DIABLO: variants seen among roughly 807,000 people sequenced by gnomAD.
DIABLO encodes the protein diablo homolog, mitochondrial.
DIABLO carries 32 observed loss-of-function variants against 31.7 expected under a neutral mutation model. The ratio of observed to expected loss-of-function variants is 1.01; its 90% confidence interval spans 0.76 to 1.35. The LOEUF is 1.35. Ranked by LOEUF, DIABLO falls within the 40% of genes most tolerant of loss-of-function variation. The pLI is 0.00. For synonymous variants in DIABLO, 132 were observed against 103.2 expected, an observed-to-expected ratio of 1.28 and a Z score of -1.69; for missense variants, 316 against 286.4, an observed-to-expected ratio of 1.10 and a Z score of -0.75.
Position 122,225,999 on chromosome 12 carries a change from T to C in DIABLO, c.16A>G (p.Ser6Gly), listed in dbSNP as rs772136062. Residue 6 changes from serine to glycine, a missense_variant, in exon 1 of 6, where the codon AGT (serine) becomes GGT (glycine). Physicochemically the swap from Ser to Gly is moderately conservative, Grantham distance 56. Coordinates refer to ENST00000464942, the MANE Select transcript of DIABLO (RefSeq NM_001371333.1). ...GAAGTTACGCTGCGCGACAGCCAAC[T>C]CTTCAGAGCCGCCATTGTGCAGCGC... is the stretch of plus-strand genomic sequence containing the variant. MAALK[S>G]WLSRSVTSFF... 2 of 1,603,464 alleles carry C rather than the reference T, an allele frequency of 1.2e-6. No homozygotes were observed. Among genetic ancestry groups the C allele is most frequent in the African/African-American group, 1.3e-5 (1 of 74,698 alleles).
chr12:122,224,768 A>G, intron 1 of DIABLO, 124 bp from the exon 2 acceptor site: 1 of 1,595,626 alleles, frequency 6.3e-7, no homozygotes, highest in South Asian at 1.1e-5. Context: ...GATGCAGGAC[A>G]GCTGAGGGGT....
At chr12:122,220,273 G>T (rs1954305760) in intron 2 of DIABLO, among the ~76,000 whole-genome samples, 1 of 151,884 alleles carries the variant, frequency 6.6e-6, no homozygotes, top group African/African-American at 2.4e-5. Flanking sequence ...AAAAAGGAAA[G>T]ACTAATATAA....
rs1037555932 is a variant in DIABLO at position 122,225,138 on chromosome 12, G to C, written c.51-494C>G. The stretch of plus-strand genomic sequence containing the variant: ...TGAGGCAGGAGAATCGCTTGAACCT[G>C]GGAGGCAGAGGTTGCAGTGAGCCGA... On this transcript the variant is annotated intron_variant, in intron 1 of 5. Coordinates refer to ENST00000464942, the MANE Select transcript of DIABLO (RefSeq NM_001371333.1). 3 of 303,716 alleles carry C rather than the reference G, an allele frequency of 9.9e-6. No homozygotes were observed. In the Admixed American group the frequency reaches 1.4e-4, roughly 14 times the overall value. The allele number at this position is 303,716 out of a possible 1,614,324, so 18.8% of individuals were successfully genotyped here.
chr12:122,208,620 C>T (rs1244584341), intron 5 of DIABLO, 43 bp from the exon 6 acceptor site: 18 of 1,594,798 alleles, frequency 1.1e-5, no homozygotes, highest in African/African-American at 4.0e-5. Flanking sequence ...CCGTGCAGGG[C>T]GCGGAAGGCT....
intron 1 of DIABLO, chr12:122,225,572 G>A: frequency 1.7e-6 from 2 of 1,172,332 alleles, no homozygotes; most frequent in Non-Finnish European, 2.1e-6. Context: ...CAGCTCCCCC[G>A]GCCCCTTCTG....
intron 5 of DIABLO, among the ~76,000 whole-genome samples, chr12:122,210,685 T>C (rs1422168202): frequency 1.3e-5 from 2 of 152,028 alleles, no homozygotes; most frequent in African/African-American, 4.8e-5. Context: ...AGGTGATATA[T>C]CAACTTTTTA....
chr12:122,224,497 T>C lies in DIABLO; in HGVS notation c.183+15A>G, dbSNP rs1481630816. ...ACACGGTACACTAGATAAGAATCAC[T>C]GCACACGACAGTACCTGTGCAATAG... On this transcript the variant is annotated intron_variant, in intron 2 of 5. Transcript: ENST00000464942. The C allele has an allele frequency of 3.7e-6, 6 of 1,613,666 alleles. No individual in the cohort carries two copies. The highest frequency in any genetic ancestry group is 5.1e-6 in the Non-Finnish European group (6 of 1,179,906).
In DIABLO at chr12:122,216,840, T is replaced by G; in HGVS notation, c.345A>C (p.Arg115=). Residue 115 remains arginine, a synonymous_variant, in exon 4 of 6, where the codon CGA becomes CGC. Transcript: ENST00000464942. Reference sequence around the variant, plus strand: ...TTTTCCCAAGTAAACTTGTATATTGTCGGTAAAGAGAAGTTAAGGTATAAA... The same window carrying G: ...TTTTCCCAAGTAAACTTGTATATTGGCGGTAAAGAGAAGTTAAGGTATAAA... The part of the protein sequence containing the change: ...KAVYTLTSLY[R]QYTSLLGKMN... 1 of 1,614,108 alleles carries G rather than the reference T, an allele frequency of 6.2e-7. No homozygotes were observed. The highest frequency in any genetic ancestry group is 8.5e-7 in the Non-Finnish European group (1 of 1,180,010).
intron 5 of DIABLO, 21 bp from the exon 6 acceptor site, chr12:122,208,598 C>T (rs1052603444): frequency 6.8e-6 from 11 of 1,609,118 alleles, no homozygotes; most frequent in African/African-American, 6.7e-5. Context: ...ATGGGACAAT[C>T]GGGTTGAGCA....
chr12:122,225,700 A>G (rs1025161371), intron 1 of DIABLO: 2 of 1,406,810 alleles, frequency 1.4e-6, no homozygotes, highest in Non-Finnish European at 1.8e-6. Flanking sequence ...GCTGGTCAGG[A>G]GGCGGAGCAG....
At chr12:122,210,371 CTTTTT>C (rs11312074) in intron 5 of DIABLO, among the ~76,000 whole-genome samples, 27 of 73,828 alleles carry the variant, frequency 3.7e-4, no homozygotes, top group Non-Finnish European at 6.3e-4. Flanking sequence ...CCATTTCTAC[CTTTTT>C]TTTTTTTTTT....
At chr12:122,214,288 C>T (rs1323971939) in intron 5 of DIABLO, among the ~76,000 whole-genome samples, 2 of 152,120 alleles carry the variant, frequency 1.3e-5, no homozygotes, top group African/African-American at 4.8e-5. Context: ...TCAAGTGATC[C>T]TCCTATCTTA....
At chr12:122,209,761 T>G (rs542706297) in intron 5 of DIABLO, 1 of 703,324 alleles carries the variant, frequency 1.4e-6, no homozygotes, top group South Asian at 1.5e-5. Flanking sequence ...CTGTAGAACA[T>G]TTTGATCTTA....
intron 5 of DIABLO, among the ~76,000 whole-genome samples, chr12:122,210,659 G>T (rs969745645): frequency 6.6e-6 from 1 of 151,998 alleles, no homozygotes; most frequent in Admixed American, 6.6e-5. Context: ...GATTACAGGC[G>T]TGAGCCACCG....
intron 5 of DIABLO, among the ~76,000 whole-genome samples, chr12:122,214,625 T>C (rs530679389): frequency 1.2e-4 from 18 of 152,164 alleles, no homozygotes; most frequent in Non-Finnish European, 2.2e-4. Context: ...GGGGTTTCAC[T>C]GTGTTGCCCT....
chr12:122,208,799 C>G lies in DIABLO; in HGVS notation c.524-222G>C, dbSNP rs374121145. ...AACAGCATTTTTCTTCAGCTGTCAG[C>G]GGCCAACATCACAATTATTAAATGC... On this transcript the variant is annotated intron_variant, in intron 5 of 5. Coordinates refer to ENST00000464942, the MANE Select transcript of DIABLO (RefSeq NM_001371333.1). The G allele has an allele frequency of 6.2e-6, 4 of 647,768 alleles. No homozygotes were observed. In the Admixed American group the frequency reaches 6.2e-5, roughly 10 times the overall value. 40.1% of individuals were successfully genotyped at this position (647,768 alleles called of 1,614,324 possible). A position where few individuals can be genotyped will look rare whatever the true frequency, so the allele number is the denominator to read the frequency against.
At chr12:122,217,286 G>A (rs534977071) in intron 3 of DIABLO, 11 of 226,422 alleles carry the variant, frequency 4.9e-5, no homozygotes, top group East Asian at 1.2e-4. Flanking sequence ...GCTAAGACAC[G>A]TGGATCACCT....
chr12:122,207,766 G>A lies in DIABLO; in HGVS notation c.*615C>T, dbSNP rs1268293561. 2 of 476,976 alleles carry A rather than the reference G, an allele frequency of 4.2e-6. No individual in the cohort carries two copies. The highest frequency in any genetic ancestry group is 1.5e-5 in the South Asian group (1 of 64,674). The allele number at this position is 476,976 out of a possible 1,614,324, so 29.5% of individuals were successfully genotyped here. A position where few individuals can be genotyped will look rare whatever the true frequency, so the allele number is the denominator to read the frequency against. On this transcript the variant is annotated 3_prime_UTR_variant, in exon 6 of 6. Coordinates refer to ENST00000464942, the MANE Select transcript of DIABLO (RefSeq NM_001371333.1). ...AACGGAAAGAAAGGAAGGAACAAGA[G>A]GCCTGTGTTAAGTCCTGTTGATGTT...
chr12:122,208,357 A>C lies in DIABLO; in HGVS notation c.*24T>G, dbSNP rs1458112426. On this transcript the variant is annotated 3_prime_UTR_variant, in exon 6 of 6. Coordinates refer to ENST00000464942, the MANE Select transcript of DIABLO (RefSeq NM_001371333.1). ...CCCCTGCTTTCCCCACTGAGTGGGG[A>C]GACAGGGCAGTGTGCTCAGGCCCTC... 6.2e-7 allele frequency: 1 copy of C among 1,610,446 alleles called. No individual in the cohort carries two copies. Among genetic ancestry groups the C allele is most frequent in the East Asian group, 2.2e-5 (1 of 44,866 alleles).
Sources: allele counts gnomAD v4.1 joint callset (sites outside exome capture counted in the v4.1 genomes callset), GRCh38; gene constraint gnomAD v4.1.1; transcripts MANE v1.5; gene names NCBI Gene and HGNC (gene_info 2026-07-23, HGNC 2026-07-21).